DIXDC1: variants seen among roughly 807,000 people sequenced by gnomAD.
DIXDC1 encodes DIX domain containing 1.
Under a neutral mutation model 103.1 loss-of-function variants are expected in DIXDC1, and 64 were observed. The observed-to-expected ratio is 0.62, with a 90% CI of 0.51 to 0.76. The LOEUF (loss-of-function observed/expected upper bound fraction) is 0.76, where lower values mean the gene tolerates loss of function less well. Among genes scored for constraint, DIXDC1 ranks in the 30% least tolerant of loss-of-function variants. DIXDC1 has a pLI of 0.00. For missense variants in DIXDC1, 759 were observed against 834.2 expected (o/e 0.91, Z 1.11); for synonymous variants, 266 against 298.5 (o/e 0.89, Z 1.12).
At position 111,990,023 on chromosome 11, in the gene DIXDC1, C is replaced by T. The variant is rs1860647671; in HGVS notation, c.1113+968C>T. Among the ~76,000 whole-genome samples the T allele has an allele frequency of 2.0e-5, 3 of 151,328 alleles. No homozygotes were observed. The Admixed American group carries it at 2.0e-4, about 10-fold the overall frequency. ...GCCAGGATGGTCTCCATCTCCTGAC[C>T]TTGTGATCTGCCCGCCTTGGCCTCC... On this transcript the variant is annotated intron_variant, in intron 10 of 19. Transcript: ENST00000440460.
chr11:112,003,266 G>C (rs1399633074), intron 17 of DIXDC1, among the ~76,000 whole-genome samples: 1 of 152,002 alleles, frequency 6.6e-6, no homozygotes, highest in Non-Finnish European at 1.5e-5. Flanking sequence ...ACTTTGGGAG[G>C]CTGAGGTGGG....
chr11:112,013,184 T>G (rs1429024600), intron 17 of DIXDC1, among the ~76,000 whole-genome samples: 1 of 151,970 alleles, frequency 6.6e-6, no homozygotes, highest in Non-Finnish European at 1.5e-5. Flanking sequence ...GTATCTCTTA[T>G]AAGGACTAGT....
In DIXDC1 at chr11:112,020,107, T is replaced by C. The variant is rs1333074912; in HGVS notation, c.*1071T>C. On this transcript the variant is annotated 3_prime_UTR_variant, in exon 20 of 20. Transcript: ENST00000440460. Reference sequence around the variant, plus strand: ...TGGGGCGTGGAGCATGAGTTGTGAATGGCAGGGATCATTCTGGGTAAAAAA... The same window carrying C: ...TGGGGCGTGGAGCATGAGTTGTGAACGGCAGGGATCATTCTGGGTAAAAAA... 6.6e-6 allele frequency: 1 copy of C among 152,252 alleles called. No individual in the cohort carries two copies. The highest frequency in any genetic ancestry group is 2.4e-5 in the African/African-American group (1 of 41,438). 9.4% of individuals were successfully genotyped at this position (152,252 alleles called of 1,614,324 possible). A position where few individuals can be genotyped will look rare whatever the true frequency, so the allele number is the denominator to read the frequency against.
Position 111,996,324 on chromosome 11 carries a change from C to T in DIXDC1, c.1756+178C>T, listed in dbSNP as rs990191592. The T allele has an allele frequency of 9.6e-6, 5 of 522,730 alleles. No homozygotes were observed. In the African/African-American group the frequency reaches 9.8e-5, roughly 10 times the overall value. 32.4% of individuals were successfully genotyped at this position (522,730 alleles called of 1,614,324 possible). On this transcript the variant is annotated intron_variant, in intron 17 of 19. Transcript: ENST00000440460. Reference sequence around the variant, plus strand: ...CTAAGACTATGAAGACATATGCCATCACCACCCCCAGTGCCATTTAGCCAC... The same window carrying T: ...CTAAGACTATGAAGACATATGCCATTACCACCCCCAGTGCCATTTAGCCAC...
At position 111,977,618 on chromosome 11, in the gene DIXDC1, C is replaced by G. The variant is rs1446460617; in HGVS notation, c.656+2635C>G. On this transcript the variant is annotated intron_variant, in intron 5 of 19. Transcript: ENST00000440460. This position sits in a 1 kb window ranked among gnomAD's most constrained non-coding sequence, Gnocchi z 6.1. ...CGCCGTTCCCGCTTTCTCCCGCGAG[C>G]CGGGCCAGTAGCTTTGCTAGCTGGC... 16 of 1,527,994 alleles carry G rather than the reference C, an allele frequency of 1.0e-5. No individual in the cohort carries two copies. The Admixed American group carries it at 3.4e-4, about 32-fold the overall frequency. 94.7% of individuals were successfully genotyped at this position (1,527,994 alleles called of 1,614,324 possible). A position where few individuals can be genotyped will look rare whatever the true frequency, so the allele number is the denominator to read the frequency against.
intron 8 of DIXDC1, 41 bp downstream of exon 8, chr11:111,985,362 T>C (rs1259480474): frequency 1.1e-5 from 17 of 1,509,768 alleles, no homozygotes; most frequent in Non-Finnish European, 1.3e-5. Flanking sequence ...AATCTGTATG[T>C]ATTTTACTTG....
Position 111,952,966 on chromosome 11 carries a change from G to A in DIXDC1, c.61-11583G>A, listed in dbSNP as rs587678744. ...GATCATGCCACTGAACTCCAGCCTG[G>A]GCAACAGAGCAAGACCCTGTCTCCA... is the stretch of plus-strand genomic sequence containing the variant. On this transcript the variant is annotated intron_variant, in intron 1 of 19. Transcript: ENST00000440460. Among the ~76,000 whole-genome samples the A allele has an allele frequency of 1.5e-3, 229 of 152,034 alleles. 2 individuals carry two copies. The highest frequency in any genetic ancestry group is 3.7e-4 in the Non-Finnish European group (25 of 67,990).
chr11:111,964,324 A>G (rs1397118842), intron 1 of DIXDC1, among the ~76,000 whole-genome samples: 3 of 152,208 alleles, frequency 2.0e-5, no homozygotes, highest in African/African-American at 7.2e-5. Context: ...CCCAAGTCCG[A>G]GGTTAGCTTA....
rs1285499610 is a variant in DIXDC1 at position 112,017,064 on chromosome 11, T to C, written c.1862+268T>C. On this transcript the variant is annotated intron_variant, in intron 18 of 19. Coordinates refer to ENST00000440460, the MANE Select transcript of DIXDC1 (RefSeq NM_001037954.4). This position sits in a 1 kb window ranked among gnomAD's most constrained non-coding sequence, Gnocchi z 4.0. ...ATAACTATGCAAATATGGCTCTGCATTTGGGAAAATCTTTTTTTTTTTTTT... is the reference window on the plus strand; with the variant it reads ...ATAACTATGCAAATATGGCTCTGCACTTGGGAAAATCTTTTTTTTTTTTTT... 6.6e-6 allele frequency among the ~76,000 whole-genome samples: 1 copy of C among 152,036 alleles called. No homozygotes were observed. The highest frequency in any genetic ancestry group is 1.5e-5 in the Non-Finnish European group (1 of 68,004).
chr11:111,983,816 A>G (rs1305239467), intron 7 of DIXDC1, among the ~76,000 whole-genome samples: 3 of 152,186 alleles, frequency 2.0e-5, no homozygotes, highest in Non-Finnish European at 2.9e-5. Flanking sequence ...ACATGATCAC[A>G]ATGAGAATTT....
At chr11:111,975,375 T>C in intron 5 of DIXDC1, 1 of 1,053,834 alleles carries the variant, frequency 9.5e-7, no homozygotes, top group Non-Finnish European at 1.1e-6. Flanking sequence ...GAAAAGTCTG[T>C]GTAAAGCTCA....
chr11:111,980,395 G>C (rs960322273), intron 5 of DIXDC1, among the ~76,000 whole-genome samples: 2 of 152,212 alleles, frequency 1.3e-5, no homozygotes, highest in Middle Eastern at 3.2e-3. Context: ...GGTGATGGAG[G>C]AGGTGGTGGG....
intron 1 of DIXDC1, among the ~76,000 whole-genome samples, chr11:111,941,088 C>T (rs187966109): frequency 1.3e-4 from 20 of 152,276 alleles, no homozygotes; most frequent in African/African-American, 4.8e-4. Context: ...CTGGTGACCG[C>T]ACTCCGGCTT....
intron 1 of DIXDC1, chr11:111,946,569 C>A (rs587703526): frequency 3.5e-4 from 68 of 191,984 alleles, no homozygotes; most frequent in African/African-American, 1.5e-3. Flanking sequence ...CCATGCTGGC[C>A]AAGCTAGTCT....
In DIXDC1 at chr11:111,994,247, G is replaced by T. The variant is rs188121396; in HGVS notation, c.1437+507G>T. 4.0e-3 allele frequency among the ~76,000 whole-genome samples: 614 copies of T among 152,182 alleles called. 2 individuals carry two copies. The highest frequency in any genetic ancestry group is 0.014 in the African/African-American group (565 of 41,516). On this transcript the variant is annotated intron_variant, in intron 14 of 19. Transcript: ENST00000440460. The stretch of plus-strand genomic sequence containing the variant: ...ACTAAAAATTACAAAAATTAGCCAG[G>T]CGTGGTGGTGGATGCCTGTAGTCCC...
At chr11:111,993,099 AT>A in intron 12 of DIXDC1, 95 bp downstream of exon 12, 1 of 1,369,234 alleles carries the variant, frequency 7.3e-7, no homozygotes, top group Non-Finnish European at 9.9e-7. Context: ...TTCTATTTTC[AT>A]CCTTTTTGAT....
chr11:111,997,638 T>C (rs1860944955), intron 17 of DIXDC1, among the ~76,000 whole-genome samples: 1 of 152,240 alleles, frequency 6.6e-6, no homozygotes, highest in African/African-American at 2.4e-5. Flanking sequence ...ATTATTATTA[T>C]TATTTTATTC....
At chr11:111,946,517 C>A (rs782565116) in intron 1 of DIXDC1, among the ~76,000 whole-genome samples, 16 of 152,164 alleles carry the variant, frequency 1.1e-4, no homozygotes, top group Non-Finnish European at 1.9e-4. Context: ...AGCCACTGCA[C>A]CTGGTCAGTT....
At position 111,977,580 on chromosome 11, in the gene DIXDC1, A is replaced by ACGCCGCCGC; in HGVS notation, c.656+2606_656+2614dup. 3 of 1,498,646 alleles carry ACGCCGCCGC rather than the reference A, an allele frequency of 2.0e-6. No individual in the cohort carries two copies. The highest frequency in any genetic ancestry group is 2.7e-6 in the Non-Finnish European group (3 of 1,122,856). 92.8% of individuals were successfully genotyped at this position (1,498,646 alleles called of 1,614,324 possible). On this transcript the variant is annotated intron_variant, in intron 5 of 19. Transcript: ENST00000440460. This position sits in a 1 kb window ranked among gnomAD's most constrained non-coding sequence, Gnocchi z 6.1. ...GAGCATCCCAGTCGCTGGGGCCGAG[A>ACGCCGCCGC]CGCCGCCGCCGCCGCCGTTCCCGCT...
Sources: gnomAD v4.1 joint callset for allele counts (sites outside exome capture counted in the v4.1 genomes callset) on GRCh38, gnomAD v4.1.1 for gene constraint, Gnocchi (gnomAD v3.1) non-coding constraint, MANE v1.5 for transcripts, NCBI Gene and HGNC (gene_info 2026-07-23, HGNC 2026-07-21) for gene names.